The following SPON1 variants were observed in gnomAD, a reference collection of about 807,000 sequenced individuals.
The protein encoded by SPON1 is spondin-1.
In SPON1, 52 loss-of-function variants were observed where a neutral mutation model predicts 111.7. That is an observed-to-expected ratio of 0.47 (90% confidence interval 0.37 to 0.59). The LOEUF is 0.59. SPON1 is among the 20% of genes least tolerant of loss of function. The pLI is 0.00. For missense variants in SPON1, 957 were observed against 1,068.5 expected (o/e 0.90, Z 1.46); for synonymous variants, 410 against 395.8 (o/e 1.04, Z -0.43).
chr11:14,227,091 G>A (rs1212279383), intron 6 of SPON1, among the ~76,000 whole-genome samples: 1 of 152,154 alleles, frequency 6.6e-6, no homozygotes, highest in Non-Finnish European at 1.5e-5. Context: ...AGCATTCACA[G>A]GATCCAGGGA....
At chr11:14,263,044 G>T in intron 15 of SPON1, 69 bp downstream of exon 15, 10 of 1,262,716 alleles carry the variant, frequency 7.9e-6, no homozygotes, top group Non-Finnish European at 9.6e-6. Context: ...GCTAAGTCTT[G>T]GACCTGTTTA....
intron 6 of SPON1, among the ~76,000 whole-genome samples, chr11:14,153,060 T>G (rs1414216729): frequency 8.5e-5 from 13 of 152,236 alleles, no homozygotes; most frequent in African/African-American, 3.1e-4. Flanking sequence ...GCAGGGCAGA[T>G]GTATGGCCTG....
At chr11:14,038,240 C>T (rs534633311) in intron 2 of SPON1, among the ~76,000 whole-genome samples, 29 of 151,754 alleles carry the variant, frequency 1.9e-4, no homozygotes, top group Admixed American at 4.6e-4. Flanking sequence ...CCAAGGTGGG[C>T]GGACCACTTG....
At chr11:14,207,999 T>C (rs117031760) in intron 6 of SPON1, among the ~76,000 whole-genome samples, 4,856 of 152,298 alleles carry the variant, frequency 0.032, 118 homozygotes, top group Admixed American at 0.051. Context: ...GTGGTACATA[T>C]GTACCATAGA....
At position 14,041,661 on chromosome 11, in the gene SPON1, A is replaced by C. The variant is rs369380199; in HGVS notation, c.479+7A>C. 1.1e-3 allele frequency: 1,767 copies of C among 1,613,674 alleles called. 11 individuals carry two copies. Among genetic ancestry groups the C allele is most frequent in the Non-Finnish European group, 1.2e-3 (1,393 of 1,179,772 alleles). On this transcript the variant is annotated splice_region_variant and intron_variant, in intron 3 of 15. Transcript: ENST00000576479. Reference sequence around the variant, plus strand: ...CAGGCTGCGTGATTCTGAAGTAAGTAAACATGGAATCCTTCCCTGCAGTTT... The same window carrying C: ...CAGGCTGCGTGATTCTGAAGTAAGTCAACATGGAATCCTTCCCTGCAGTTT...
intron 2 of SPON1, among the ~76,000 whole-genome samples, chr11:14,037,527 T>C (rs1335013142): frequency 1.1e-4 from 1 of 9,318 alleles, no homozygotes; most frequent in Non-Finnish European, 2.1e-4. Context: ...TATCCACATG[T>C]AGAAAAAAAA....
intron 5 of SPON1, among the ~76,000 whole-genome samples, chr11:14,097,512 G>A (rs943820844): frequency 1.1e-4 from 17 of 152,124 alleles, no homozygotes; most frequent in Non-Finnish European, 1.6e-4. Flanking sequence ...TATAATTAGT[G>A]TACAAAAATG....
chr11:13,996,535 C>G (rs187118874), intron 2 of SPON1, among the ~76,000 whole-genome samples: 1 of 152,190 alleles, frequency 6.6e-6, no homozygotes. Flanking sequence ...ACTTAAGCAT[C>G]ACTCCTCTCA....
At chr11:14,036,034 G>A (rs1475512452) in intron 2 of SPON1, among the ~76,000 whole-genome samples, 1 of 152,144 alleles carries the variant, frequency 6.6e-6, no homozygotes, top group Non-Finnish European at 1.5e-5. Context: ...CAGGGCCTTG[G>A]CAGGAGAAGA....
At chr11:14,033,393 A>G (rs1848572855) in intron 2 of SPON1, among the ~76,000 whole-genome samples, 1 of 152,306 alleles carries the variant, frequency 6.6e-6, no homozygotes, top group South Asian at 2.1e-4. Context: ...TGGGACCTTG[A>G]TGCTGTTCAG....
At chr11:14,041,448 G>A in intron 2 of SPON1, 73 bp from the exon 3 acceptor site, 1 of 1,549,072 alleles carries the variant, frequency 6.5e-7, no homozygotes, top group Non-Finnish European at 8.8e-7. Context: ...AGTTAAGGAA[G>A]TACCAACTTA....
chr11:14,125,164 C>T (rs894948198), intron 5 of SPON1, among the ~76,000 whole-genome samples: 5 of 152,198 alleles, frequency 3.3e-5, no homozygotes, highest in African/African-American at 9.7e-5. Context: ...GGCGCAAACC[C>T]GCAGAAGGCA....
chr11:14,180,681 G>GA (rs1238021262), intron 6 of SPON1, among the ~76,000 whole-genome samples: 1 of 152,200 alleles, frequency 6.6e-6, no homozygotes, highest in Non-Finnish European at 1.5e-5. Context: ...AGTTCCTGAG[G>GA]ACAGGGACTA....
At chr11:14,157,190 G>A (rs1365155981) in intron 6 of SPON1, among the ~76,000 whole-genome samples, 1 of 151,636 alleles carries the variant, frequency 6.6e-6, no homozygotes, top group Non-Finnish European at 1.5e-5. Flanking sequence ...TTTCCTTCTG[G>A]GATGATTTCC....
intron 6 of SPON1, among the ~76,000 whole-genome samples, chr11:14,203,505 A>G (rs200628542): frequency 6.6e-6 from 1 of 152,246 alleles, no homozygotes; most frequent in East Asian, 1.9e-4. Context: ...ATTATCGTAC[A>G]TCAAGATGTC....
At chr11:14,028,746 C>G (rs1388243283) in intron 2 of SPON1, among the ~76,000 whole-genome samples, 3 of 152,132 alleles carry the variant, frequency 2.0e-5, no homozygotes, top group Admixed American at 2.0e-4. Context: ...CATCTTTCAT[C>G]ATGTGTAGCC....
At chr11:14,002,225 T>C (rs753001871) in intron 2 of SPON1, among the ~76,000 whole-genome samples, 2 of 152,222 alleles carry the variant, frequency 1.3e-5, no homozygotes, top group Non-Finnish European at 2.9e-5. Context: ...TTTATAACAA[T>C]GGTTTTCAAC....
chr11:14,265,302 CAG>C (rs1232403920), intron 15 of SPON1, among the ~76,000 whole-genome samples: 3 of 152,314 alleles, frequency 2.0e-5, no homozygotes, highest in Admixed American at 1.3e-4. Flanking sequence ...GGTGGAGAAA[CAG>C]AGTCTGCCTT....
intron 3 of SPON1, among the ~76,000 whole-genome samples, chr11:14,070,717 C>A (rs1262190474): frequency 2.6e-5 from 4 of 152,062 alleles, no homozygotes; most frequent in African/African-American, 9.7e-5. Context: ...AGCAGGGACC[C>A]CAGCCCCTTT....
Sources: gnomAD v4.1 joint callset for allele counts (sites outside exome capture counted in the v4.1 genomes callset) on GRCh38, gnomAD v4.1.1 for gene constraint, MANE v1.5 for transcripts, NCBI Gene and HGNC (gene_info 2026-07-23, HGNC 2026-07-21) for gene names.